ZC4H2: variants seen among roughly 807,000 people sequenced by gnomAD.
ZC4H2 encodes the protein zinc finger C4H2 domain-containing protein.
For missense variants in ZC4H2, 137 were observed against 173.9 expected (o/e 0.79, Z 1.19); for synonymous variants, 84 against 66.3 (o/e 1.27, Z -1.30).
chrX:64,975,820 C>T (rs1234842899), intron 1 of ZC4H2, among the ~76,000 whole-genome samples: 1 of 110,924 alleles, frequency 9.0e-6, no homozygotes, highest in Non-Finnish European at 1.9e-5. Context: ...GGAAAACGAG[C>T]GCGCGCCATT....
intron 1 of ZC4H2, among the ~76,000 whole-genome samples, chrX:64,967,655 C>A (rs1421941124): frequency 1.8e-5 from 2 of 111,565 alleles, no homozygotes; most frequent in Non-Finnish European, 1.9e-5. Flanking sequence ...CTGGGCTCGT[C>A]AGAACATTAT....
At chrX:65,011,195 T>C (rs1467488483) in intron 1 of ZC4H2, among the ~76,000 whole-genome samples, 1 of 112,250 alleles carries the variant, frequency 8.9e-6, no homozygotes, top group Non-Finnish European at 1.9e-5. Flanking sequence ...ACTATAATTC[T>C]ATGATAGGTA....
chrX:64,945,649 G>C (rs1405746037), intron 1 of ZC4H2, among the ~76,000 whole-genome samples: 3 of 111,608 alleles, frequency 2.7e-5, no homozygotes, highest in Non-Finnish European at 5.7e-5. Flanking sequence ...CTGGCAGGCA[G>C]GAACATTTAA....
chrX:65,016,424 T>C (rs1448015504), intron 1 of ZC4H2, among the ~76,000 whole-genome samples: 1 of 112,164 alleles, frequency 8.9e-6, no homozygotes, highest in Non-Finnish European at 1.9e-5. Context: ...CAACTATGTT[T>C]AGGGAGTATG....
At chrX:65,012,224 C>CAAAA (rs10606871) in intron 1 of ZC4H2, among the ~76,000 whole-genome samples, 261 of 22,818 alleles carry the variant, frequency 0.011, no homozygotes, top group Non-Finnish European at 0.019. Flanking sequence ...GACCCCGTCT[C>CAAAA]AAAAAAAAAA....
intron 3 of ZC4H2, 33 bp downstream of exon 3, chrX:64,920,048 G>A: frequency 1.7e-6 from 2 of 1,194,647 alleles, no homozygotes; most frequent in Non-Finnish European, 2.3e-6. Flanking sequence ...CGGAGGGAGG[G>A]TATGTTGTAG....
intron 1 of ZC4H2, among the ~76,000 whole-genome samples, chrX:64,983,094 T>TGGTGA (rs1447600602): frequency 9.0e-6 from 1 of 111,266 alleles, no homozygotes; most frequent in Non-Finnish European, 1.9e-5. Flanking sequence ...CTAGCACAGG[T>TGGTGA]GGCAGTATGC....
intron 1 of ZC4H2, among the ~76,000 whole-genome samples, chrX:65,005,733 T>G (rs1487795995): frequency 9.0e-6 from 1 of 111,357 alleles, no homozygotes; most frequent in Non-Finnish European, 1.9e-5. Context: ...CTAAAGAGCT[T>G]CTGCACAGCA....
chrX:64,935,110 T>A (rs1315034414), intron 1 of ZC4H2, among the ~76,000 whole-genome samples: 1 of 111,670 alleles, frequency 9.0e-6, no homozygotes, highest in African/African-American at 3.3e-5. Flanking sequence ...AGCAGCAGTC[T>A]GATACCGACT....
intron 1 of ZC4H2, among the ~76,000 whole-genome samples, chrX:64,989,547 C>T (rs1489889260): frequency 9.0e-6 from 1 of 111,678 alleles, no homozygotes; most frequent in Non-Finnish European, 1.9e-5. Context: ...ATAAAATGGA[C>T]TTTATCAAAA....
intron 1 of ZC4H2, among the ~76,000 whole-genome samples, chrX:64,987,635 A>C (rs1307304865): frequency 3.6e-5 from 4 of 110,677 alleles, no homozygotes; most frequent in Non-Finnish European, 7.6e-5. Flanking sequence ...TAAACCTATA[A>C]AACTTTTAGA....
At chrX:64,919,451 T>C (rs768724686) in intron 3 of ZC4H2, 9 of 347,055 alleles carry the variant, frequency 2.6e-5, no homozygotes, top group African/African-American at 2.1e-4. Flanking sequence ...AGCAAGATCC[T>C]TAAAGGGTAT....
intron 1 of ZC4H2, among the ~76,000 whole-genome samples, chrX:64,995,312 T>G (rs1182219232): frequency 9.0e-6 from 1 of 111,184 alleles, no homozygotes; most frequent in African/African-American, 3.3e-5. Context: ...TGGTAGGATA[T>G]CTTGTGATGT....
At chrX:65,020,249 G>T (rs762034846) in intron 1 of ZC4H2, among the ~76,000 whole-genome samples, 1 of 111,266 alleles carries the variant, frequency 9.0e-6, no homozygotes, top group Non-Finnish European at 1.9e-5. Context: ...ATTCACTAAG[G>T]TTGAAATGAA....
At chrX:64,997,602 A>C (rs1404498053) in intron 1 of ZC4H2, among the ~76,000 whole-genome samples, 4 of 112,608 alleles carry the variant, frequency 3.6e-5, no homozygotes, top group Non-Finnish European at 7.5e-5. Flanking sequence ...TGGGGCAAAG[A>C]TATATAGTGG....
intron 1 of ZC4H2, among the ~76,000 whole-genome samples, chrX:64,965,061 A>T (rs1931539547): frequency 1.8e-5 from 2 of 112,076 alleles, no homozygotes; most frequent in Non-Finnish European, 3.8e-5. Context: ...GTTAGATCCT[A>T]GAACAGAAAT....
chrX:64,949,826 G>GT (rs777577518), intron 1 of ZC4H2, among the ~76,000 whole-genome samples: 2 of 111,295 alleles, frequency 1.8e-5, no homozygotes, highest in Admixed American at 1.9e-4. Flanking sequence ...TTTTTGAAGG[G>GT]TTTTTTGTGT....
intron 1 of ZC4H2, among the ~76,000 whole-genome samples, chrX:64,981,717 A>G (rs1226435357): frequency 1.8e-5 from 2 of 110,998 alleles, no homozygotes; most frequent in Non-Finnish European, 3.8e-5. Flanking sequence ...AGGAGCTGAG[A>G]TAGGTAATCT....
chrX:64,921,740 T>A lies in ZC4H2; in HGVS notation c.225+77A>T, dbSNP rs138413117. 5.4e-4 allele frequency: 592 copies of A among 1,087,318 alleles called. 2 individuals are homozygous for A. In the African/African-American group the frequency reaches 0.01, roughly 19 times the overall value. 89.6% of individuals were successfully genotyped at this position (1,087,318 alleles called of 1,213,427 possible). On this transcript the variant is annotated intron_variant, in intron 2 of 4. Transcript: ENST00000374839. ...CTCCCCGAGCTAGGCCTAAGCCACA[T>A]CTCAAGGAAAGGCCCTATCATTCAC... is the stretch of plus-strand genomic sequence containing the variant.
Sources: gnomAD v4.1 joint callset for allele counts (sites outside exome capture counted in the v4.1 genomes callset) on GRCh38, gnomAD v4.1.1 for gene constraint, MANE v1.5 for transcripts, NCBI Gene and HGNC (gene_info 2026-07-23, HGNC 2026-07-21) for gene names.